SNED1: variants seen among roughly 807,000 people sequenced by gnomAD.
SNED1 encodes sushi, nidogen and EGF like domains 1.
Under a neutral mutation model 166.7 loss-of-function variants are expected in SNED1, and 81 were observed. The observed-to-expected ratio is 0.49, with a 90% confidence interval of 0.41 to 0.58. The LOEUF (loss-of-function observed/expected upper bound fraction) is 0.58, where lower values mean the gene tolerates loss of function less well. Among genes scored for constraint, SNED1 ranks in the 20% least tolerant of loss-of-function variants. The pLI, the probability that SNED1 is intolerant of heterozygous loss-of-function variation, is 0.00. For synonymous variants in SNED1, 762 were observed against 822.0 expected, an observed-to-expected ratio of 0.93 and a Z score of 1.25; for missense variants, 1,604 against 2,000.2, an observed-to-expected ratio of 0.80 and a Z score of 3.78.
rs901645024 is a variant in SNED1 at position 241,033,803 on chromosome 2, C to T, written c.570C>T (p.Ser190=). The T allele has an allele frequency of 2.5e-6, 4 of 1,611,150 alleles. No homozygotes were observed. Among genetic ancestry groups the T allele is most frequent in the Non-Finnish European group, 3.4e-6 (4 of 1,179,330 alleles). ...CCTTCACCATCTTCAACTATGAGTC[C>T]ATCGTGTGGACCACAGGCACACACG... ...KLSFTIFNYE[S]IVWTTGTHAS... is the part of the protein sequence containing the mutation. The change falls in exon 3 of 32, where the codon TCC becomes TCT. Residue 190 remains serine (S), a synonymous_variant. Coordinates refer to ENST00000310397, the MANE Select transcript of SNED1 (RefSeq NM_001080437.3).
At chr2:241,074,910 T>C (rs940938432) in intron 27 of SNED1, 1 of 152,174 alleles carries the variant, frequency 6.6e-6, no homozygotes, top group African/African-American at 2.4e-5. Flanking sequence ...TGCCTAGAAT[T>C]CCTTTGTTTT....
Position 241,048,785 on chromosome 2 carries a change from C to T in SNED1, c.1504+19C>T. Reference sequence around the variant, plus strand: ...GAATTTGGTAGGTGCCCAGGTCACCCTTCCTGCCCTGTCCCTGAGCATCCT... The same window carrying T: ...GAATTTGGTAGGTGCCCAGGTCACCTTTCCTGCCCTGTCCCTGAGCATCCT... On this transcript the variant is annotated intron_variant, in intron 10 of 31. Transcript: ENST00000310397. 1.3e-6 allele frequency: 2 copies of T among 1,567,356 alleles called. No individual in the cohort carries two copies. Among genetic ancestry groups the T allele is most frequent in the South Asian group, 2.3e-5 (2 of 87,588 alleles).
chr2:241,008,855 A>G (rs1007993577), intron 1 of SNED1, among the ~76,000 whole-genome samples: 1 of 152,212 alleles, frequency 6.6e-6, no homozygotes, highest in African/African-American at 2.4e-5. Flanking sequence ...GCCTCCACAC[A>G]GGAGGGCAGC....
intron 1 of SNED1, among the ~76,000 whole-genome samples, chr2:241,012,984 C>T (rs1020820782): frequency 1.1e-4 from 17 of 151,918 alleles, no homozygotes; most frequent in African/African-American, 1.9e-4. Flanking sequence ...TACAGGTGCC[C>T]GCCACCACGC....
chr2:241,023,863 TTCTC>T (rs1327824272), intron 1 of SNED1, among the ~76,000 whole-genome samples: 1 of 148,866 alleles, frequency 6.7e-6, no homozygotes, highest in South Asian at 2.1e-4. Context: ...TTAATTTATT[TTCTC>T]TCTTTTTTTC....
chr2:241,039,568 C>G (rs75757373), intron 6 of SNED1, among the ~76,000 whole-genome samples: 3,166 of 152,164 alleles, frequency 0.021, 110 homozygotes, highest in African/African-American at 0.065. Context: ...CCCTAGCTCA[C>G]TCCCACTCAG....
rs1161014114 is a variant in SNED1 at position 241,009,596 on chromosome 2, G to A, written c.213+10546G>A. Among the ~76,000 whole-genome samples the A allele has an allele frequency of 2.6e-5, 4 of 152,144 alleles. No homozygotes were observed. The East Asian group carries it at 7.7e-4, about 29-fold the overall frequency. On this transcript the variant is annotated intron_variant, in intron 1 of 31. Transcript: ENST00000310397. Reference sequence around the variant, plus strand: ...GCCCCATGGGGACAGGGAAGCCACAGGGAGACCCAGCACCTCAGTCTGCAG... The same window carrying A: ...GCCCCATGGGGACAGGGAAGCCACAAGGAGACCCAGCACCTCAGTCTGCAG...
At chr2:241,045,596 T>C (rs1396606274) in intron 8 of SNED1, among the ~76,000 whole-genome samples, 2 of 151,354 alleles carry the variant, frequency 1.3e-5, no homozygotes, top group Admixed American at 1.3e-4. Context: ...TATCCTTATA[T>C]GTATAAAAAA....
At chr2:240,997,787 C>T (rs939664660), upstream of SNED1, among the ~76,000 whole-genome samples, 4 of 152,168 alleles carry the variant, frequency 2.6e-5, no homozygotes, top group African/African-American at 9.7e-5. Flanking sequence ...CCACGGTGGG[C>T]CGGGTGAGTT....
intron 1 of SNED1, among the ~76,000 whole-genome samples, chr2:241,026,009 C>T (rs202044363): frequency 9.5e-5 from 7 of 73,594 alleles, no homozygotes; most frequent in East Asian, 5.2e-4. Context: ...TTTTCTTTTC[C>T]TTTTTTTTTT....
In SNED1 at chr2:241,064,205, C is replaced by T. The variant is rs1367843122; in HGVS notation, c.2599+80C>T. The T allele has an allele frequency of 1.0e-6, 1 of 962,492 alleles. No individual in the cohort carries two copies. Among genetic ancestry groups the T allele is most frequent in the African/African-American group, 1.7e-5 (1 of 59,334 alleles). The allele number at this position is 962,492 out of a possible 1,614,324, so 59.6% of individuals were successfully genotyped here. On this transcript the variant is annotated intron_variant, in intron 19 of 31. Coordinates refer to ENST00000310397, the MANE Select transcript of SNED1 (RefSeq NM_001080437.3). The surrounding 1 kb of genome is among the most constrained non-coding windows in gnomAD (Gnocchi z 7.0). ...CTGCCCGCCTGCTGCCCGCCCTCTGCCCGCCTGCTCCCCGCCCTCTGCCCG... is the reference window on the plus strand; with the variant it reads ...CTGCCCGCCTGCTGCCCGCCCTCTGTCCGCCTGCTCCCCGCCCTCTGCCCG...
In SNED1 at chr2:241,000,168, C is replaced by T. The variant is rs565302819; in HGVS notation, c.213+1118C>T. On this transcript the variant is annotated intron_variant, in intron 1 of 31. Coordinates refer to ENST00000310397, the MANE Select transcript of SNED1 (RefSeq NM_001080437.3). ...TCCCCAGCTTCCCGTCGTCACCATC[C>T]ACATCCTCTGCATGGTTGTCATCAT... 4.7e-4 allele frequency among the ~76,000 whole-genome samples: 71 copies of T among 152,314 alleles called. 1 individual carries two copies. In the South Asian group the frequency reaches 0.015, roughly 31 times the overall value.
chr2:241,005,296 C>T (rs1450101018), intron 1 of SNED1, among the ~76,000 whole-genome samples: 2 of 152,084 alleles, frequency 1.3e-5, no homozygotes, highest in African/African-American at 4.8e-5. Flanking sequence ...CTCTGCCTCC[C>T]GGGTTCAAAT....
At chr2:241,053,618 G>C (rs758079951) in intron 16 of SNED1, among the ~76,000 whole-genome samples, 1 of 152,244 alleles carries the variant, frequency 6.6e-6, no homozygotes, top group African/African-American at 2.4e-5. Context: ...AGCAGCTGAG[G>C]CCAAGAGGTA....
At chr2:241,084,253 C>T (rs2063473907) in intron 29 of SNED1, among the ~76,000 whole-genome samples, 1 of 151,512 alleles carries the variant, frequency 6.6e-6, no homozygotes, top group Non-Finnish European at 1.5e-5. Context: ...TCTCCTGCCT[C>T]AGCCCCCCGA....
rs1292412660 is a variant in SNED1 at position 241,037,231 on chromosome 2, A to G, written c.932-9A>G. 3 of 1,601,668 alleles carry G rather than the reference A, an allele frequency of 1.9e-6. No homozygotes were observed. The highest frequency in any genetic ancestry group is 2.2e-5 in the East Asian group (1 of 44,518). On this transcript the variant is annotated splice_polypyrimidine_tract_variant and intron_variant, in intron 5 of 31. Coordinates refer to ENST00000310397, the MANE Select transcript of SNED1 (RefSeq NM_001080437.3). ...CGCCGCTGAGGCCTCAGCCTGCCCC[A>G]TGTTTCAGACGTGAACGAATGTGCC...
At position 241,075,889 on chromosome 2, in the gene SNED1, T is replaced by G. The variant is rs2062997453; in HGVS notation, c.3916+2525T>G. On this transcript the variant is annotated intron_variant, in intron 27 of 31. Transcript: ENST00000310397. This position sits in a 1 kb window ranked among gnomAD's most constrained non-coding sequence, Gnocchi z 4.8. Reference sequence around the variant, plus strand: ...TGTGAGAAGTTGGGCTACAATTTCATTTTTTATGCATATGGGTAAACTGGA... The same window carrying G: ...TGTGAGAAGTTGGGCTACAATTTCAGTTTTTATGCATATGGGTAAACTGGA... Among the ~76,000 whole-genome samples the G allele has an allele frequency of 6.6e-6, 1 of 152,242 alleles. No individual in the cohort carries two copies. Among genetic ancestry groups the G allele is most frequent in the African/African-American group, 2.4e-5 (1 of 41,460 alleles).
intron 1 of SNED1, among the ~76,000 whole-genome samples, chr2:241,003,717 T>C (rs1178142418): frequency 6.6e-6 from 1 of 152,212 alleles, no homozygotes; most frequent in Non-Finnish European, 1.5e-5. Context: ...AGTCTCTGTC[T>C]GCACTGCCCC....
intron 24 of SNED1, 121 bp from the exon 25 acceptor site, chr2:241,071,455 C>A (rs2062711014): frequency 3.3e-6 from 4 of 1,201,346 alleles, no homozygotes; most frequent in African/African-American, 1.5e-5. Context: ...GGCCCACGCA[C>A]ATGCCCCCCT....
Sources: gnomAD v4.1 joint callset for allele counts (sites outside exome capture counted in the v4.1 genomes callset) on GRCh38, gnomAD v4.1.1 for gene constraint, Gnocchi (gnomAD v3.1) non-coding constraint, MANE v1.5 for transcripts, NCBI Gene and HGNC (gene_info 2026-07-23, HGNC 2026-07-21) for gene names.